WWP2: variants seen among roughly 807,000 people sequenced by gnomAD.
WWP2 encodes the protein NEDD4-like E3 ubiquitin-protein ligase WWP2.
Under a neutral mutation model 121.0 loss-of-function variants are expected in WWP2, and 57 were observed. The ratio of observed to expected loss-of-function variants is 0.47; its 90% confidence interval spans 0.38 to 0.59. WWP2 has a LOEUF of 0.59. Ranked by LOEUF, WWP2 falls within the 20% of genes least tolerant of loss-of-function variation. WWP2 has a pLI of 0.00. For missense variants in WWP2, 962 were observed against 1,158.9 expected, an observed-to-expected ratio of 0.83 and a Z score of 2.47; for synonymous variants, 449 against 441.3, an observed-to-expected ratio of 1.02 and a Z score of -0.22.
intron 4 of WWP2, among the ~76,000 whole-genome samples, chr16:69,823,435 A>G (rs920954865): frequency 4.7e-5 from 7 of 150,428 alleles, no homozygotes; most frequent in African/African-American, 1.7e-4. Context: ...ATTTATTTGT[A>G]TTTACAAATT....
chr16:69,815,959 T>C (rs1453073039), intron 4 of WWP2, among the ~76,000 whole-genome samples: 1 of 152,128 alleles, frequency 6.6e-6, no homozygotes, highest in African/African-American at 2.4e-5. Flanking sequence ...GGTCTTACTA[T>C]GTTGCCCAGG....
At chr16:69,826,571 CAAA>C (rs762732099) in intron 4 of WWP2, among the ~76,000 whole-genome samples, 6 of 37,220 alleles carry the variant, frequency 1.6e-4, no homozygotes, top group Admixed American at 3.1e-4. Flanking sequence ...GACTCCGTCT[CAAA>C]AAAAAAAAAA....
At position 69,798,782 on chromosome 16, in the gene WWP2, G is replaced by A. The variant is rs1374671777; in HGVS notation, c.171G>A (p.Gly57=). ...TCCCCAGTGAGACCAAGAAGACTGG[G>A]AAGCGCATTGGGAGCTCTGAGCTTC... ...DGLPSETKKT[G]KRIGSSELLW... The change falls in exon 3 of 24, where the codon GGG becomes GGA. Residue 57 remains glycine (G), a synonymous_variant. Coordinates refer to ENST00000359154, the MANE Select transcript of WWP2 (RefSeq NM_001270454.2). 1 of 1,614,102 alleles carries A rather than the reference G, an allele frequency of 6.2e-7. No homozygotes were observed. Among genetic ancestry groups the A allele is most frequent in the Non-Finnish European group, 8.5e-7 (1 of 1,180,008 alleles).
At position 69,888,082 on chromosome 16, in the gene WWP2, C is replaced by T. The variant is rs13329778; in HGVS notation, c.747C>T (p.Ser249=). ...PTTATDPEEP[S]VVGVTSPPAA... is the part of the protein sequence containing the mutation. The stretch of plus-strand genomic sequence containing the variant: ...CAGCCACTGATCCCGAAGAACCTTC[C>T]GTTGTTGGTGTGACGTCCCCACCTG... The change falls in exon 8 of 24, where the codon TCC becomes TCT. Residue 249 remains serine, a synonymous_variant. Coordinates refer to ENST00000359154, the MANE Select transcript of WWP2 (RefSeq NM_001270454.2). 975 of 1,614,204 alleles carry T rather than the reference C, an allele frequency of 6.0e-4. 6 individuals carry two copies. The African/African-American group carries it at 6.9e-3, about 11-fold the overall frequency.
chr16:69,931,748 CT>C (rs2058717843), intron 15 of WWP2, 53 bp from the exon 16 acceptor site: 3 of 1,601,916 alleles, frequency 1.9e-6, no homozygotes, highest in Admixed American at 3.3e-5. Context: ...CCTCCCGCCC[CT>C]GCCTGCTGTG....
chr16:69,793,081 C>T (rs1024421543), intron 2 of WWP2, among the ~76,000 whole-genome samples: 2 of 152,080 alleles, frequency 1.3e-5, no homozygotes, highest in Admixed American at 6.6e-5. Context: ...CACTGCTGGG[C>T]GCGGTGGCTC....
intron 4 of WWP2, among the ~76,000 whole-genome samples, chr16:69,821,343 C>T (rs1190446586): frequency 6.6e-6 from 1 of 152,206 alleles, no homozygotes; most frequent in Non-Finnish European, 1.5e-5. Flanking sequence ...AGAAAAGGTC[C>T]TTTTAGCCAC....
intron 4 of WWP2, among the ~76,000 whole-genome samples, chr16:69,816,428 AATCTAT>A (rs1430825907): frequency 4.0e-5 from 6 of 148,924 alleles, no homozygotes; most frequent in Admixed American, 1.3e-4. Flanking sequence ...ATTAAAAAAA[AATCTAT>A]ATCTATAACT....
chr16:69,830,847 G>A (rs2056781423), intron 4 of WWP2, among the ~76,000 whole-genome samples: 1 of 152,178 alleles, frequency 6.6e-6, no homozygotes, highest in Admixed American at 6.6e-5. Context: ...TCTAGACCTG[G>A]GGTGGACTCC....
At chr16:69,931,656 G>A (rs2151991593) in intron 15 of WWP2, 76 bp downstream of exon 15, 1 of 1,599,554 alleles carries the variant, frequency 6.3e-7, no homozygotes, top group Non-Finnish European at 8.6e-7. Context: ...CGCGTGGCCT[G>A]TTAAACCCAC....
chr16:69,889,637 G>T (rs904117107), intron 8 of WWP2, among the ~76,000 whole-genome samples: 3 of 152,182 alleles, frequency 2.0e-5, no homozygotes, highest in Non-Finnish European at 4.4e-5. Flanking sequence ...CCGAGTGGTT[G>T]TGAAGGGGCC....
intron 2 of WWP2, 147 bp from the exon 3 acceptor site, chr16:69,798,535 T>C (rs1475606318): frequency 1.0e-6 from 1 of 987,432 alleles, no homozygotes; most frequent in Non-Finnish European, 1.4e-6. Context: ...CTCACATTTC[T>C]TTAAAAAGTT....
chr16:69,930,401 A>C, intron 13 of WWP2, 143 bp downstream of exon 13: 27 of 1,326,756 alleles, frequency 2.0e-5, no homozygotes, highest in Non-Finnish European at 2.6e-5. Context: ...TGTTGATGTC[A>C]TATTAAAGGG....
At position 69,791,965 on chromosome 16, in the gene WWP2, T is replaced by C. The variant is rs183428414; in HGVS notation, c.70+4885T>C. 8.0e-5 allele frequency among the ~76,000 whole-genome samples: 12 copies of C among 149,704 alleles called. No individual in the cohort carries two copies. In the East Asian group the frequency reaches 2.3e-3, roughly 29 times the overall value. On this transcript the variant is annotated intron_variant, in intron 2 of 23. Transcript: ENST00000359154. ...AAGAGCCAGCTTGATAATACTGGTG[T>C]ATCTCATTATACACATATTTAACCT...
chr16:69,859,947 G>GT (rs1248107423), intron 6 of WWP2, among the ~76,000 whole-genome samples: 1 of 150,996 alleles, frequency 6.6e-6, no homozygotes, highest in East Asian at 2.0e-4. Flanking sequence ...ATACTCAAGG[G>GT]TGTGGCACCT....
intron 1 of WWP2, among the ~76,000 whole-genome samples, chr16:69,784,718 G>A (rs1041184023): frequency 2.6e-5 from 4 of 152,126 alleles, no homozygotes; most frequent in South Asian, 2.1e-4. Context: ...GAAGTATAAT[G>A]GTGTGTTGGG....
intron 4 of WWP2, among the ~76,000 whole-genome samples, chr16:69,833,614 GTTA>G (rs1263267658): frequency 6.6e-6 from 1 of 152,254 alleles, no homozygotes; most frequent in Non-Finnish European, 1.5e-5. Context: ...TTGGTAACCA[GTTA>G]TTACTTAGAA....
chr16:69,917,705 C>A lies in WWP2; in HGVS notation c.1005-4C>A, dbSNP rs767168956. On this transcript the variant is annotated splice_region_variant and splice_polypyrimidine_tract_variant and intron_variant, in intron 9 of 23. Coordinates refer to ENST00000359154, the MANE Select transcript of WWP2 (RefSeq NM_001270454.2). ...TATATTCATTCTGAGGTTCCTATTT[C>A]CAGCTGGGAAAAACGCACAGATCCC... The A allele has an allele frequency of 6.3e-7, 1 of 1,597,554 alleles. No homozygotes were observed. Among genetic ancestry groups the A allele is most frequent in the South Asian group, 1.1e-5 (1 of 90,778 alleles).
intron 6 of WWP2, among the ~76,000 whole-genome samples, chr16:69,860,889 C>G (rs1019837097): frequency 6.6e-6 from 1 of 152,062 alleles, no homozygotes; most frequent in Admixed American, 6.6e-5. Flanking sequence ...TGTAGTCCCC[C>G]ATTCATTCAA....
Sources: allele counts gnomAD v4.1 joint callset (sites outside exome capture counted in the v4.1 genomes callset), GRCh38; gene constraint gnomAD v4.1.1; transcripts MANE v1.5; gene names NCBI Gene and HGNC (gene_info 2026-07-23, HGNC 2026-07-21).